The following PRR14L variants were observed in gnomAD, a reference collection of about 807,000 sequenced individuals.
The protein encoded by PRR14L is protein PRR14L.
PRR14L carries 80 observed loss-of-function variants against 155.0 expected under a neutral mutation model. The observed-to-expected ratio is 0.52, with a 90% CI of 0.43 to 0.62. PRR14L has a LOEUF of 0.62. Among genes scored for constraint, PRR14L ranks in the 20% least tolerant of loss-of-function variants. The probability of loss-of-function intolerance (pLI) is 0.00; values close to 1 mark genes in which losing one functional copy is unlikely to be tolerated. For synonymous variants in PRR14L, 883 were observed against 916.0 expected (o/e 0.96, Z 0.65); for missense variants, 2,469 against 2,548.0 (o/e 0.97, Z 0.67).
intron 3 of PRR14L, among the ~76,000 whole-genome samples, chr22:31,724,542 A>G (rs2074706953): frequency 6.6e-6 from 1 of 152,000 alleles, no homozygotes; most frequent in South Asian, 2.1e-4. Context: ...CTGGGACCAC[A>G]GGTGTGTGTG....
In PRR14L at chr22:31,735,444, A is replaced by T. The variant is rs185609957; in HGVS notation, c.474+2943T>A. ...TGACAGAGCAAGAATCTGTCTCAAA[A>T]AAAAAAAAAAGAACACTGAGATAGT... On this transcript the variant is annotated intron_variant, in intron 2 of 8. Transcript: ENST00000327423. Among the ~76,000 whole-genome samples the T allele has an allele frequency of 8.2e-3, 1,239 of 151,802 alleles. 6 individuals carry two copies. Among genetic ancestry groups the T allele is most frequent in the Non-Finnish European group, 0.012 (828 of 67,964 alleles).
intron 2 of PRR14L, among the ~76,000 whole-genome samples, chr22:31,736,467 T>C (rs979790932): frequency 1.3e-5 from 2 of 151,258 alleles, no homozygotes; most frequent in African/African-American, 4.9e-5. Context: ...TCATTCCTAA[T>C]CATAGTCACT....
At chr22:31,718,229 G>A (rs886469255) in intron 3 of PRR14L, among the ~76,000 whole-genome samples, 2 of 149,960 alleles carry the variant, frequency 1.3e-5, no homozygotes, top group African/African-American at 2.5e-5. Flanking sequence ...CGCCCGGCCC[G>A]CCCAGCTAAT....
chr22:31,746,647 G>C (rs1245935926), intron 1 of PRR14L, among the ~76,000 whole-genome samples: 1 of 152,200 alleles, frequency 6.6e-6, no homozygotes, highest in Non-Finnish European at 1.5e-5. Context: ...ATTAGAATGT[G>C]TAGGGAATGG....
At chr22:31,708,856 C>T (rs1346419553) in intron 4 of PRR14L, among the ~76,000 whole-genome samples, 2 of 151,910 alleles carry the variant, frequency 1.3e-5, no homozygotes, top group Non-Finnish European at 2.9e-5. Flanking sequence ...GACGGAGTTT[C>T]ACTCTTGTTG....
chr22:31,691,381 C>T (rs554144614), intron 7 of PRR14L, among the ~76,000 whole-genome samples: 16 of 152,260 alleles, frequency 1.1e-4, no homozygotes, highest in African/African-American at 3.6e-4. Flanking sequence ...GGTTGAGCCA[C>T]GATGCCTGAC....
chr22:31,720,051 C>G (rs73162133), intron 3 of PRR14L, among the ~76,000 whole-genome samples: 4 of 152,254 alleles, frequency 2.6e-5, no homozygotes, highest in Non-Finnish European at 5.9e-5. Flanking sequence ...GTGATACTTA[C>G]CTCTAAGCCT....
rs922690859 is a variant in PRR14L at position 31,707,887 on chromosome 22, C to T, written c.5757-3161G>A. 1.1e-4 allele frequency among the ~76,000 whole-genome samples: 17 copies of T among 152,114 alleles called. 1 individual carries two copies. The highest frequency in any genetic ancestry group is 2.7e-4 in the African/African-American group (11 of 41,432). On this transcript the variant is annotated intron_variant, in intron 4 of 8. Transcript: ENST00000327423. ...TCTAAAGGCCGGGCGCGGTGGCTTACGCCAGTAATCCCAGCACTTTAGGAG... is the reference window on the plus strand; with the variant it reads ...TCTAAAGGCCGGGCGCGGTGGCTTATGCCAGTAATCCCAGCACTTTAGGAG...
chr22:31,738,940 G>A lies in PRR14L; in HGVS notation c.-51-29C>T, dbSNP rs1418756175. 10 of 1,011,402 alleles carry A rather than the reference G, an allele frequency of 9.9e-6. No individual in the cohort carries two copies. The East Asian group carries it at 1.6e-4, about 16-fold the overall frequency. 62.7% of individuals were successfully genotyped at this position (1,011,402 alleles called of 1,614,324 possible). A position where few individuals can be genotyped will look rare whatever the true frequency, so the allele number is the denominator to read the frequency against. ...ACACAAATCACAGGAAGGGATAAAA[G>A]TTTAAAACCTTGATAGGTTAGAAGA... On this transcript the variant is annotated intron_variant, in intron 1 of 8. Coordinates refer to ENST00000327423, the MANE Select transcript of PRR14L (RefSeq NM_173566.3).
Position 31,716,268 on chromosome 22 carries a change from G to C in PRR14L, c.1571C>G (p.Thr524Arg). The C allele has an allele frequency of 1.3e-6, 2 of 1,551,626 alleles. No individual in the cohort carries two copies. Among genetic ancestry groups the C allele is most frequent in the Non-Finnish European group, 1.7e-6 (2 of 1,146,938 alleles). Reference sequence around the variant, plus strand: ...TAATATATTGGGCTCTACAGGGGTTGTCTGTCCTGCCTCTTCAATCTGCAT... The same window carrying C: ...TAATATATTGGGCTCTACAGGGGTTCTCTGTCCTGCCTCTTCAATCTGCAT... ...SLMQIEEAGQ[T>R]TPVEPNILSK... The change falls in exon 4 of 9, where the codon ACA becomes AGA. Residue 524 changes from threonine (T) to arginine (R), a missense_variant. By Grantham distance (71) the Thr-to-Arg change is moderately conservative. Around this residue, in one of 2 missense-constraint regions of PRR14L, gnomAD observed 2,363 missense variants for 2,371.6 expected, o/e 1.00. Transcript: ENST00000327423.
chr22:31,719,480 T>C (rs1044794244), intron 3 of PRR14L, among the ~76,000 whole-genome samples: 9 of 152,044 alleles, frequency 5.9e-5, no homozygotes, highest in Non-Finnish European at 1.2e-4. Flanking sequence ...GTAAACTCTG[T>C]GAGGGTAAGG....
chr22:31,717,020 T>C lies in PRR14L; in HGVS notation c.819A>G (p.Glu273=). The C allele has an allele frequency of 6.4e-7, 1 of 1,551,818 alleles. No homozygotes were observed. The highest frequency in any genetic ancestry group is 1.4e-5 in the African/African-American group (1 of 73,182). The change falls in exon 4 of 9, where the codon GAA becomes GAG. Residue 273 remains glutamate, a synonymous_variant. Transcript: ENST00000327423. The stretch of plus-strand genomic sequence containing the variant: ...ACAACCAAGGACAACTTTTTAATTC[T>C]TCACATTCTTTTTCTTTAGGAGTTG... ...TEATPKEKEC[E]ELKSCPWLSL... is the part of the protein sequence containing the mutation.
At chr22:31,736,534 T>C (rs1427490590) in intron 2 of PRR14L, among the ~76,000 whole-genome samples, 1 of 152,086 alleles carries the variant, frequency 6.6e-6, no homozygotes. Context: ...AGAAAAGATA[T>C]ATGTATCAAG....
intron 3 of PRR14L, among the ~76,000 whole-genome samples, chr22:31,723,373 C>G (rs557450803): frequency 6.6e-6 from 1 of 152,170 alleles, no homozygotes; most frequent in Non-Finnish European, 1.5e-5. Flanking sequence ...TGGAGAGTAG[C>G]CAGGTAATTT....
In PRR14L at chr22:31,716,138, A is replaced by G. The variant is rs755356781; in HGVS notation, c.1701T>C (p.Phe567=). ...LNEASCNDFL[F]ERKSIVSLMP... ...TTAAACTCACAATGGATTTTCTTTC[A>G]AACAGAAAATCATTACATGATGCTT... Residue 567 remains phenylalanine (F), a synonymous_variant, in exon 4 of 9, where the codon TTT becomes TTC. Transcript: ENST00000327423. 9 of 1,551,036 alleles carry G rather than the reference A, an allele frequency of 5.8e-6. No individual in the cohort carries two copies. The African/African-American group carries it at 1.2e-4, about 21-fold the overall frequency.
At chr22:31,734,346 G>C (rs9609356) in intron 2 of PRR14L, among the ~76,000 whole-genome samples, 1 of 152,128 alleles carries the variant, frequency 6.6e-6, no homozygotes, top group Admixed American at 6.6e-5. Context: ...TACAGATATA[G>C]ACCCTTTATC....
chr22:31,721,425 G>A (rs541205999), intron 3 of PRR14L, among the ~76,000 whole-genome samples: 2 of 152,186 alleles, frequency 1.3e-5, no homozygotes, highest in Non-Finnish European at 1.5e-5. Flanking sequence ...AAAATTAGCC[G>A]GGCATGGTGG....
chr22:31,715,579 G>C lies in PRR14L; in HGVS notation c.2260C>G (p.Leu754Val). 1.9e-6 allele frequency: 3 copies of C among 1,552,024 alleles called. No individual in the cohort carries two copies. Among genetic ancestry groups the C allele is most frequent in the Non-Finnish European group, 2.6e-6 (3 of 1,147,056 alleles). Residue 754 changes from leucine (L) to valine (V), a missense_variant, in exon 4 of 9, where the codon CTA becomes GTA. This residue lies in a region of PRR14L where 2,363 missense variants were observed against 2,371.6 expected (regional missense o/e 1.00). Transcript: ENST00000327423. ...KEMADSGTKA[L>V]HSRLRSNKRE... ...TTATTTGAGCGCAGCCTGGAATGTAGAGCTTTTGTTCCTGAATCAGCCATT... is the reference window on the plus strand; with the variant it reads ...TTATTTGAGCGCAGCCTGGAATGTACAGCTTTTGTTCCTGAATCAGCCATT...
chr22:31,712,879 G>A lies in PRR14L; in HGVS notation c.4960C>T (p.Leu1654Phe), dbSNP rs997199495. Residue 1654 changes from leucine to phenylalanine, a missense_variant, in exon 4 of 9, where the codon CTC (leucine) becomes TTC (phenylalanine). By Grantham distance (22) the Leu-to-Phe change is conservative. Around this residue, in one of 2 missense-constraint regions of PRR14L, gnomAD observed 2,363 missense variants for 2,371.6 expected, o/e 1.00. Transcript: ENST00000327423. ...CCGTCCAGGAGTCTTTTATATCTGAGGCGCTTGTAGCTTTTAGCCATTGGA... is the reference window on the plus strand; with the variant it reads ...CCGTCCAGGAGTCTTTTATATCTGAAGCGCTTGTAGCTTTTAGCCATTGGA... ...LLPMAKSYKR[L>F]RYKRLLDGFS... 9 of 1,551,790 alleles carry A rather than the reference G, an allele frequency of 5.8e-6. No individual in the cohort carries two copies. In the African/African-American group the frequency reaches 8.2e-5, roughly 14 times the overall value.
Sources: allele counts gnomAD v4.1 joint callset (sites outside exome capture counted in the v4.1 genomes callset), GRCh38; gene constraint gnomAD v4.1.1; regional missense constraint gnomAD v4.1.1; transcripts MANE v1.5; gene names NCBI Gene and HGNC (gene_info 2026-07-23, HGNC 2026-07-21).